The following ZC3H14 variants were observed in gnomAD, a reference collection of about 807,000 sequenced individuals.
The protein encoded by ZC3H14 is zinc finger CCCH-type containing 14.
A neutral mutation model predicts 92.4 loss-of-function variants in ZC3H14; 31 were observed. The ratio of observed to expected loss-of-function variants is 0.34; its 90% confidence interval spans 0.25 to 0.45. The LOEUF (loss-of-function observed/expected upper bound fraction) is 0.45, where lower values mean the gene tolerates loss of function less well. Among genes scored for constraint, ZC3H14 ranks in the 20% least tolerant of loss-of-function variants. ZC3H14 has a pLI of 1.00. For missense variants in ZC3H14, 781 were observed against 897.3 expected, an observed-to-expected ratio of 0.87 and a Z score of 1.66; for synonymous variants, 321 against 300.9, an observed-to-expected ratio of 1.07 and a Z score of -0.69.
At position 88,610,981 on chromosome 14, in the gene ZC3H14, C is replaced by A. The variant is rs748958443; in HGVS notation, c.2204+41C>A. On this transcript the variant is annotated intron_variant, in intron 16 of 16. Transcript: ENST00000251038. ...CGTTTTTCTCATGTCAGTTCAAATT[C>A]TTTTTTCTAATTTGCAGTTTCTAAA... 3 of 1,563,862 alleles carry A rather than the reference C, an allele frequency of 1.9e-6. No homozygotes were observed. In the East Asian group the frequency reaches 6.7e-5, roughly 35 times the overall value.
At position 88,625,943 on chromosome 14, in the gene ZC3H14, TGTGGATTGG is replaced by T. The variant is rs2089877619; in HGVS notation, c.*14193_*14201del. The stretch of plus-strand genomic sequence containing the variant: ...AATGCAGGATATTAAAGGAAAGAGA[TGTGGATTGG>T]AAGCCACAGGTCCAGATGAGATGGA... On this transcript the variant is annotated 3_prime_UTR_variant, in exon 17 of 17. Transcript: ENST00000251038. The T allele has an allele frequency of 6.6e-6, 1 of 152,148 alleles. No individual in the cohort carries two copies. Among genetic ancestry groups the T allele is most frequent in the Non-Finnish European group, 1.5e-5 (1 of 68,028 alleles). 9.4% of individuals were successfully genotyped at this position (152,148 alleles called of 1,614,324 possible).
Position 88,572,225 on chromosome 14 carries a change from G to C in ZC3H14, c.431G>C (p.Arg144Thr), listed in dbSNP as rs1262622887. 3.1e-6 allele frequency: 5 copies of C among 1,613,950 alleles called. No homozygotes were observed. The highest frequency in any genetic ancestry group is 4.2e-6 in the Non-Finnish European group (5 of 1,180,000). Residue 144 changes from arginine (R) to threonine (T), a missense_variant and splice_region_variant, in exon 5 of 17, where the codon AGA (arginine) becomes ACA (threonine). Arg to Thr is a moderately conservative substitution (Grantham distance 71). Around this residue, in one of 3 missense-constraint regions of ZC3H14, gnomAD observed 454 missense variants for 438.5 expected, o/e 1.04. Transcript: ENST00000251038. ...CAGGAGTCAAAAACCACAAATGTCA[G>C]GTAAGAGTCTGGTGTAGACCTGCTG... ...SSQESKTTNV[R>T]QTYDDGAATR...
chr14:88,594,711 G>C, intron 9 of ZC3H14: 11 of 1,613,796 alleles, frequency 6.8e-6, no homozygotes, highest in Non-Finnish European at 9.3e-6. Flanking sequence ...ATGTCTTTGA[G>C]GTTCCTGTCA....
intron 3 of ZC3H14, among the ~76,000 whole-genome samples, chr14:88,570,534 A>G (rs1409906146): frequency 6.6e-6 from 1 of 152,224 alleles, no homozygotes; most frequent in East Asian, 1.9e-4. Context: ...AGCAGTTAAT[A>G]TAAGCTGCTT....
intron 15 of ZC3H14, among the ~76,000 whole-genome samples, chr14:88,610,449 T>C (rs1484281193): frequency 6.6e-6 from 1 of 152,034 alleles, no homozygotes; most frequent in African/African-American, 2.4e-5. Context: ...ATTAAAATGG[T>C]CCTTATAGAT....
At chr14:88,586,387 G>C (rs1258759910) in intron 9 of ZC3H14, among the ~76,000 whole-genome samples, 1 of 152,180 alleles carries the variant, frequency 6.6e-6, no homozygotes, top group East Asian at 1.9e-4. Context: ...TATTTTCCAA[G>C]AGTCTATTCA....
Position 88,616,010 on chromosome 14 carries a change from A to G in ZC3H14, c.*4259A>G. ...TTTGCATAAATATGAGATTCTGAAG[A>G]GCCATCTGGTTATACTACCTTCTAC... On this transcript the variant is annotated 3_prime_UTR_variant, in exon 17 of 17. Transcript: ENST00000251038. The G allele has an allele frequency of 2.4e-6, 3 of 1,270,282 alleles. No individual in the cohort carries two copies. The highest frequency in any genetic ancestry group is 2.0e-5 in the Admixed American group (1 of 49,050). The allele number at this position is 1,270,282 out of a possible 1,614,324, so 78.7% of individuals were successfully genotyped here.
chr14:88,624,508 G>A lies in ZC3H14; in HGVS notation c.*12757G>A, dbSNP rs988368410. 4 of 156,096 alleles carry A rather than the reference G, an allele frequency of 2.6e-5. No individual in the cohort carries two copies. The highest frequency in any genetic ancestry group is 9.6e-5 in the African/African-American group (4 of 41,466). The allele number at this position is 156,096 out of a possible 1,614,324, so 9.7% of individuals were successfully genotyped here. On this transcript the variant is annotated 3_prime_UTR_variant, in exon 17 of 17. Coordinates refer to ENST00000251038, the MANE Select transcript of ZC3H14 (RefSeq NM_024824.5). Reference sequence around the variant, plus strand: ...AAATTTTGAGGTCTTGTATAAAACAGTTTAAATTTGCCTCAAGCAAAAGGA... The same window carrying A: ...AAATTTTGAGGTCTTGTATAAAACAATTTAAATTTGCCTCAAGCAAAAGGA...
At chr14:88,589,081 C>T (rs981088753) in intron 9 of ZC3H14, 1 of 151,598 alleles carries the variant, frequency 6.6e-6, no homozygotes, top group Non-Finnish European at 1.5e-5. Flanking sequence ...CTTGCTCTTT[C>T]GATTATGGAA....
intron 6 of ZC3H14, among the ~76,000 whole-genome samples, chr14:88,573,367 GAGA>G: frequency 6.6e-6 from 1 of 152,034 alleles, no homozygotes; most frequent in East Asian, 1.9e-4. Context: ...GCAACAGAGC[GAGA>G]CTCCGTCTCA....
intron 9 of ZC3H14, among the ~76,000 whole-genome samples, chr14:88,593,848 C>T (rs147803482): frequency 6.1e-4 from 92 of 151,100 alleles, no homozygotes; most frequent in African/African-American, 2.0e-3. Context: ...AAAGATAACT[C>T]GGACTTCATC....
At chr14:88,611,049 T>C in intron 16 of ZC3H14, 109 bp downstream of exon 16, 1 of 1,098,406 alleles carries the variant, frequency 9.1e-7, no homozygotes, top group Non-Finnish European at 1.4e-6. Flanking sequence ...TTACTTTGAA[T>C]TTTTTTCTTT....
chr14:88,582,962 G>T (rs1387844435), intron 9 of ZC3H14, among the ~76,000 whole-genome samples: 1 of 151,742 alleles, frequency 6.6e-6, no homozygotes, highest in African/African-American at 2.4e-5. Context: ...ATTTTTACTA[G>T]CGCACCCACC....
In ZC3H14 at chr14:88,620,917, T is replaced by G. The variant is rs552481449; in HGVS notation, c.*9166T>G. On this transcript the variant is annotated 3_prime_UTR_variant, in exon 17 of 17. Coordinates refer to ENST00000251038, the MANE Select transcript of ZC3H14 (RefSeq NM_024824.5). The surrounding 1 kb of genome is among the most constrained non-coding windows in gnomAD (Gnocchi z 4.3). ...GCAGCATGTCCCAAATTCACTTTGT[T>G]TAACATCTTCTGCATTTAAAAAAAA... The G allele has an allele frequency of 1.4e-5, 21 of 1,503,660 alleles. No individual in the cohort carries two copies. The Admixed American group carries it at 2.5e-4, about 18-fold the overall frequency. The allele number at this position is 1,503,660 out of a possible 1,614,324, so 93.1% of individuals were successfully genotyped here. A position where few individuals can be genotyped will look rare whatever the true frequency, so the allele number is the denominator to read the frequency against.
At chr14:88,564,077 G>C (rs960320545) in intron 2 of ZC3H14, among the ~76,000 whole-genome samples, 3 of 152,164 alleles carry the variant, frequency 2.0e-5, no homozygotes, top group African/African-American at 7.2e-5. Flanking sequence ...TGCTGGGAGT[G>C]CGGGGATTAC....
chr14:88,596,613 T>G, intron 9 of ZC3H14, 121 bp from the exon 10 acceptor site: 1 of 818,022 alleles, frequency 1.2e-6, no homozygotes, highest in Non-Finnish European at 2.1e-6. Context: ...ATTGAATTGT[T>G]GAAGCTTTAA....
rs573792926 is a variant in ZC3H14, at chr14:88,610,740, G to A, written c.2098-94G>A. The A allele has an allele frequency of 5.1e-5, 65 of 1,267,884 alleles. 1 individual carries two copies. The highest frequency in any genetic ancestry group is 6.8e-5 in the Non-Finnish European group (60 of 884,560). The allele number at this position is 1,267,884 out of a possible 1,614,324, so 78.5% of individuals were successfully genotyped here. Reference sequence around the variant, plus strand: ...GTCATGCCACTTCACTCCAGCCTGGGTGACAGAGTGAGACCCTGTCTCAAA... The same window carrying A: ...GTCATGCCACTTCACTCCAGCCTGGATGACAGAGTGAGACCCTGTCTCAAA... On this transcript the variant is annotated intron_variant, in intron 15 of 16. Transcript: ENST00000251038.
chr14:88,624,909 A>G lies in ZC3H14; in HGVS notation c.*13158A>G. On this transcript the variant is annotated 3_prime_UTR_variant, in exon 17 of 17. Coordinates refer to ENST00000251038, the MANE Select transcript of ZC3H14 (RefSeq NM_024824.5). ...AGCCTAGAAACAACTAGAATAATTA[A>G]CTGCAAACCTCAGGTAGGTCACAAA... The G allele has an allele frequency of 1.3e-6, 2 of 1,574,368 alleles. No individual in the cohort carries two copies. The highest frequency in any genetic ancestry group is 2.4e-5 in the South Asian group (2 of 84,190).
In ZC3H14 at chr14:88,609,803, A is replaced by G. The variant is rs1566986609; in HGVS notation, c.2097A>G (p.Lys699=). 1 of 1,613,624 alleles carries G rather than the reference A, an allele frequency of 6.2e-7. No individual in the cohort carries two copies. The highest frequency in any genetic ancestry group is 2.2e-5 in the East Asian group (1 of 44,874). The change falls in exon 15 of 17, where the codon AAA becomes AAG. Residue 699 remains lysine, a splice_region_variant and synonymous_variant. Transcript: ENST00000251038. ...TGGAATGTCCCTTCTATCATCCAAA[A>G]GTAAGAACTTCTATTTTCTCAAATC... ...KKMECPFYHP[K]HCRFNTQCTR...
Sources: allele counts gnomAD v4.1 joint callset (sites outside exome capture counted in the v4.1 genomes callset), GRCh38; gene constraint gnomAD v4.1.1; regional missense constraint gnomAD v4.1.1; non-coding constraint Gnocchi (gnomAD v3.1); transcripts MANE v1.5; gene names NCBI Gene and HGNC (gene_info 2026-07-23, HGNC 2026-07-21).